The following ATG16L1 variants were observed in gnomAD, a reference collection of about 807,000 sequenced individuals.
ATG16L1 encodes autophagy related 16 like 1, also known as autophagy-related protein 16-1.
Under a neutral mutation model 88.5 loss-of-function variants are expected in ATG16L1, and 37 were observed. The observed-to-expected ratio is 0.42, with a 90% CI of 0.32 to 0.55. ATG16L1 has a LOEUF of 0.55. Ranked by LOEUF, ATG16L1 falls within the 20% of genes least tolerant of loss-of-function variation. The probability of loss-of-function intolerance (pLI) is 0.13; values close to 1 mark genes in which losing one functional copy is unlikely to be tolerated. For synonymous variants in ATG16L1, 301 were observed against 281.0 expected (o/e 1.07, Z -0.71); for missense variants, 554 against 752.8 (o/e 0.74, Z 3.09).
chr2:233,282,262 A>G (rs1021291211), intron 11 of ATG16L1, among the ~76,000 whole-genome samples: 1 of 152,150 alleles, frequency 6.6e-6, no homozygotes, highest in African/African-American at 2.4e-5. Context: ...GGCTGAGGAA[A>G]TAGGGGAGAA....
intron 13 of ATG16L1, 46 bp downstream of exon 13, chr2:233,290,020 G>A (rs201002214): frequency 3.1e-6 from 5 of 1,602,134 alleles, no homozygotes; most frequent in East Asian, 2.2e-5. Flanking sequence ...TTAGATGTTA[G>A]CGTGGAGGTG....
chr2:233,271,478 AT>A (rs1313707075), intron 6 of ATG16L1, among the ~76,000 whole-genome samples: 1 of 152,140 alleles, frequency 6.6e-6, no homozygotes, highest in Non-Finnish European at 1.5e-5. Context: ...GGGTTTCTCC[AT>A]GTTGGTCAGG....
At chr2:233,257,757 A>G (rs570334444) in intron 2 of ATG16L1, among the ~76,000 whole-genome samples, 13 of 152,306 alleles carry the variant, frequency 8.5e-5, no homozygotes, top group African/African-American at 2.9e-4. Flanking sequence ...CTGTAATCCC[A>G]GCACTTTGGG....
intron 6 of ATG16L1, among the ~76,000 whole-genome samples, chr2:233,272,336 C>T (rs1350681778): frequency 6.6e-6 from 1 of 152,194 alleles, no homozygotes; most frequent in Non-Finnish European, 1.5e-5. Flanking sequence ...ATGGGCTCTC[C>T]TAATGTCAGA....
chr2:233,290,728 T>A (rs1275488918), intron 14 of ATG16L1, among the ~76,000 whole-genome samples: 1 of 152,158 alleles, frequency 6.6e-6, no homozygotes, highest in Admixed American at 6.5e-5. Context: ...TCTCCAGATT[T>A]CTCCGGAGAC....
chr2:233,292,832 T>C (rs1326163929), intron 16 of ATG16L1, among the ~76,000 whole-genome samples: 1 of 152,214 alleles, frequency 6.6e-6, no homozygotes, highest in Non-Finnish European at 1.5e-5. Flanking sequence ...CTGCTCCTTG[T>C]TCCCTTCTTC....
At chr2:233,252,024 G>GAGTCCC (rs1696406478) in intron 1 of ATG16L1, 82 bp downstream of exon 1, 15 of 1,225,820 alleles carry the variant, frequency 1.2e-5, no homozygotes, top group Non-Finnish European at 1.5e-5. Flanking sequence ...ACCTGAGGCC[G>GAGTCCC]AGTCCCTGGC....
chr2:233,270,403 ATTAC>A (rs1697914850), intron 6 of ATG16L1, among the ~76,000 whole-genome samples: 2 of 152,092 alleles, frequency 1.3e-5, no homozygotes, highest in Admixed American at 6.6e-5. Context: ...CCTATTTCTG[ATTAC>A]TTACTTGAGA....
At chr2:233,290,950 G>A (rs1352910827) in intron 14 of ATG16L1, among the ~76,000 whole-genome samples, 1 of 152,218 alleles carries the variant, frequency 6.6e-6, no homozygotes, top group Non-Finnish European at 1.5e-5. Context: ...TTGCTTTGCA[G>A]GAGTCTAGTA....
At position 233,256,155 on chromosome 2, in the gene ATG16L1, C is replaced by T; in HGVS notation, c.169C>T (p.Gln57Ter). 3 of 1,614,056 alleles carry T rather than the reference C, an allele frequency of 1.9e-6. No individual in the cohort carries two copies. The highest frequency in any genetic ancestry group is 2.5e-6 in the Non-Finnish European group (3 of 1,180,002). The change falls in exon 2 of 18, where the codon CAG becomes TAG. Residue 57 changes from glutamine to a stop codon, truncating the protein, a stop_gained. Coordinates refer to ENST00000392017, the MANE Select transcript of ATG16L1 (RefSeq NM_030803.7). LOFTEE classifies it high-confidence loss of function. ...TCATTCAGTGTTGGCCCAGAAACTACAGGCTGAAAAGCATGACGTACCAAA... is the reference window on the plus strand; with the variant it reads ...TCATTCAGTGTTGGCCCAGAAACTATAGGCTGAAAAGCATGACGTACCAAA... ...DLHSVLAQKL[Q>*]AEKHDVPNRH...
intron 2 of ATG16L1, among the ~76,000 whole-genome samples, chr2:233,258,033 A>C (rs572193475): frequency 2.0e-5 from 3 of 151,088 alleles, no homozygotes; most frequent in African/African-American, 7.3e-5. Flanking sequence ...ATATATCTAT[A>C]TATCTATATA....
At chr2:233,268,745 T>C (rs1697776678) in intron 5 of ATG16L1, among the ~76,000 whole-genome samples, 1 of 152,244 alleles carries the variant, frequency 6.6e-6, no homozygotes, top group African/African-American at 2.4e-5. Context: ...TAATTTGCCC[T>C]GTAAAACTTA....
At chr2:233,252,799 A>C (rs1359455570) in intron 1 of ATG16L1, among the ~76,000 whole-genome samples, 1 of 152,152 alleles carries the variant, frequency 6.6e-6, no homozygotes, top group Non-Finnish European at 1.5e-5. Context: ...CTTGCAGCTT[A>C]AGGGTACAAA....
chr2:233,283,352 A>AT (rs1191133725), intron 12 of ATG16L1, among the ~76,000 whole-genome samples: 2 of 151,372 alleles, frequency 1.3e-5, no homozygotes, highest in African/African-American at 4.9e-5. Context: ...ATTTGCAGAC[A>AT]TTTTTTTTCC....
chr2:233,274,313 A>G (rs1245914520), intron 8 of ATG16L1: 13 of 479,334 alleles, frequency 2.7e-5, no homozygotes, highest in Non-Finnish European at 4.8e-5. Context: ...TAGAAATAAA[A>G]TAGTTTTGCA....
chr2:233,279,768 C>T (rs900627828), intron 10 of ATG16L1, among the ~76,000 whole-genome samples: 51 of 152,084 alleles, frequency 3.4e-4, no homozygotes, highest in African/African-American at 1.2e-3. Context: ...CCCCCAACCC[C>T]GTATCTTGTA....
intron 2 of ATG16L1, among the ~76,000 whole-genome samples, chr2:233,257,088 G>A (rs188634069): frequency 3.3e-5 from 5 of 151,086 alleles, no homozygotes; most frequent in African/African-American, 1.2e-4. Flanking sequence ...AGAGTGCAGT[G>A]GCGCGTTCTG....
intron 7 of ATG16L1, chr2:233,273,302 T>C (rs543178321): frequency 3.8e-6 from 2 of 527,904 alleles, no homozygotes; most frequent in Admixed American, 3.5e-5. Flanking sequence ...TACTCAAATA[T>C]GGACAGTGAA....
At chr2:233,286,887 A>C (rs1699126212) in intron 12 of ATG16L1, among the ~76,000 whole-genome samples, 1 of 151,894 alleles carries the variant, frequency 6.6e-6, no homozygotes, top group African/African-American at 2.4e-5. Flanking sequence ...GGCCTCCCAA[A>C]GTGCTGGGAT....
Sources: gnomAD v4.1 joint callset for allele counts (sites outside exome capture counted in the v4.1 genomes callset) on GRCh38, gnomAD v4.1.1 for gene constraint, MANE v1.5 for transcripts, NCBI Gene and HGNC (gene_info 2026-07-23, HGNC 2026-07-21) for gene names.